Variants in OR6N1 observed in about 807,000 individuals in gnomAD.
OR6N1 encodes the protein olfactory receptor 6N1.
For synonymous variants in OR6N1, 170 were observed against 150.7 expected (o/e 1.13, Z -0.94); for missense variants, 394 against 371.7 (o/e 1.06, Z -0.49).
chr1:158,833,693 T>A, the OR6N1 span, among the ~76,000 whole-genome samples: 1 of 152,236 alleles, frequency 6.6e-6, no homozygotes, highest in African/African-American at 2.4e-5. Flanking sequence ...TAATATTCCA[T>A]TTCATGTATT....
At chr1:158,815,025 G>C in the OR6N1 span, among the ~76,000 whole-genome samples, 3 of 152,100 alleles carry the variant, frequency 2.0e-5, no homozygotes, top group Admixed American at 6.5e-5. Context: ...ACCTATATTT[G>C]TTGGGAAGCT....
chr1:158,773,239 C>G (rs193122475), upstream of OR6N1, among the ~76,000 whole-genome samples: 4 of 151,592 alleles, frequency 2.6e-5, no homozygotes, highest in East Asian at 1.9e-4. Context: ...AGATATTTAA[C>G]TAATAACTTA....
Position 158,766,165 on chromosome 1 carries a change from C to A in OR6N1, c.518G>T (p.Arg173Leu). Reference sequence around the variant, plus strand: ...GAAGTCACAAAAGACGTGCTGAATGCGATTGGGGCCACAGAATGGGAGGCG... The same window carrying A: ...GAAGTCACAAAAGACGTGCTGAATGAGATTGGGGCCACAGAATGGGAGGCG... ...ISRLPFCGPNRIQHVFCDFPP... is the reference protein window; with the variant it reads ...ISRLPFCGPNLIQHVFCDFPP... Residue 173 changes from arginine to leucine, a missense_variant, in exon 2 of 2, where the codon CGC (arginine) becomes CTC (leucine). Physicochemically the swap from Arg to Leu is moderately radical, Grantham distance 102. Transcript: ENST00000641846. The A allele has an allele frequency of 1.9e-6, 3 of 1,614,124 alleles. No homozygotes were observed. Among genetic ancestry groups the A allele is most frequent in the African/African-American group, 1.3e-5 (1 of 75,028 alleles).
upstream of OR6N1, among the ~76,000 whole-genome samples, chr1:158,773,929 G>A (rs570126898): frequency 2.6e-5 from 4 of 152,274 alleles, no homozygotes; most frequent in South Asian, 6.2e-4. Context: ...GAGATAGCCT[G>A]CCATTTTTAA....
the OR6N1 span, among the ~76,000 whole-genome samples, chr1:158,834,294 G>A: frequency 4.7e-5 from 7 of 148,686 alleles, no homozygotes; most frequent in African/African-American, 7.5e-5. Context: ...GTGCAGTGGC[G>A]CGATCTCGAC....
chr1:158,783,256 GA>G, the OR6N1 span, among the ~76,000 whole-genome samples: 1 of 152,102 alleles, frequency 6.6e-6, no homozygotes, highest in Non-Finnish European at 1.5e-5. Flanking sequence ...CTGCCTTGAT[GA>G]ATTTTCTTCC....
the OR6N1 span, among the ~76,000 whole-genome samples, chr1:158,786,361 A>T: frequency 6.6e-6 from 1 of 152,180 alleles, no homozygotes; most frequent in Admixed American, 6.5e-5. Context: ...GTTAGCAGGG[A>T]TGTGGCGAAA....
At chr1:158,795,221 G>C in the OR6N1 span, among the ~76,000 whole-genome samples, 10,266 of 152,240 alleles carry the variant, frequency 0.067, 665 homozygotes, top group Admixed American at 0.14. Context: ...TCACACACTT[G>C]GCAGGTCAGG....
chr1:158,791,994 T>C, the OR6N1 span, among the ~76,000 whole-genome samples: 1 of 152,238 alleles, frequency 6.6e-6, no homozygotes, highest in Non-Finnish European at 1.5e-5. Context: ...CAGTGGAGTG[T>C]TGAAGTACCC....
At chr1:158,785,712 A>G in the OR6N1 span, among the ~76,000 whole-genome samples, 1 of 152,196 alleles carries the variant, frequency 6.6e-6, no homozygotes, top group Non-Finnish European at 1.5e-5. Context: ...GTGGGGAGAT[A>G]CCAAGTTGAA....
chr1:158,817,780 T>C, the OR6N1 span, among the ~76,000 whole-genome samples: 14 of 152,334 alleles, frequency 9.2e-5, no homozygotes, highest in South Asian at 4.1e-4. Context: ...CTCAGGCACC[T>C]GGGCTGAGGC....
the OR6N1 span, among the ~76,000 whole-genome samples, chr1:158,821,987 G>A: frequency 6.6e-6 from 1 of 152,118 alleles, no homozygotes; most frequent in African/African-American, 2.4e-5. Context: ...ATGTGTAGTG[G>A]TATCTCATTA....
chr1:158,835,808 C>T, the OR6N1 span, among the ~76,000 whole-genome samples: 1 of 151,750 alleles, frequency 6.6e-6, no homozygotes, highest in Non-Finnish European at 1.5e-5. Flanking sequence ...TCCTATTCTT[C>T]GTTTACTGAG....
the OR6N1 span, among the ~76,000 whole-genome samples, chr1:158,810,917 A>G: frequency 1.1e-4 from 16 of 152,172 alleles, no homozygotes; most frequent in African/African-American, 3.6e-4. Context: ...CGGTACATGT[A>G]CAGGTTTGTT....
At chr1:158,838,496 C>T in the OR6N1 span, among the ~76,000 whole-genome samples, 19 of 151,960 alleles carry the variant, frequency 1.3e-4, no homozygotes, top group Non-Finnish European at 2.5e-4. Context: ...CTTTTTCTTG[C>T]GCTTTTTAAA....
chr1:158,804,123 A>G, the OR6N1 span, among the ~76,000 whole-genome samples: 3 of 152,208 alleles, frequency 2.0e-5, no homozygotes, highest in Non-Finnish European at 4.4e-5. Context: ...GGGAGATAGG[A>G]AAATGCAACA....
At chr1:158,776,103 CACAAGAA>C (rs1657585966), upstream of OR6N1, 1 of 151,984 alleles carries the variant, frequency 6.6e-6, no homozygotes, top group South Asian at 2.1e-4. Flanking sequence ...GGGAAAGACT[CACAAGAA>C]AGATAAGAAA....
the OR6N1 span, among the ~76,000 whole-genome samples, chr1:158,795,484 A>T: frequency 2.0e-5 from 3 of 152,132 alleles, no homozygotes. Context: ...TGCAAATCTC[A>T]GTTGAGAGCT....
chr1:158,777,134 A>C, upstream of OR6N1: 1 of 1,614,170 alleles, frequency 6.2e-7, no homozygotes, highest in Non-Finnish European at 8.5e-7. Context: ...TAAGCACAAA[A>C]TGGGAGCTGG....
Sources: allele counts gnomAD v4.1 joint callset (sites outside exome capture counted in the v4.1 genomes callset), GRCh38; gene constraint gnomAD v4.1.1; transcripts MANE v1.5; gene names NCBI Gene and HGNC (gene_info 2026-07-23, HGNC 2026-07-21).